Variants in ZBTB40 observed in about 807,000 individuals in gnomAD.
ZBTB40 encodes zinc finger and BTB domain-containing protein 40.
In ZBTB40, 60 loss-of-function variants were observed where a neutral mutation model predicts 117.5. That is an observed-to-expected ratio of 0.51 (90% CI 0.41 to 0.63). The LOEUF (loss-of-function observed/expected upper bound fraction) is 0.63, where lower values mean the gene tolerates loss of function less well. Ranked by LOEUF, ZBTB40 falls within the 30% of genes least tolerant of loss-of-function variation. The probability of loss-of-function intolerance (pLI) is 0.00; values close to 1 mark genes in which losing one functional copy is unlikely to be tolerated. For missense variants in ZBTB40, 1,287 were observed against 1,498.5 expected, an observed-to-expected ratio of 0.86 and a Z score of 2.33; for synonymous variants, 525 against 577.1, an observed-to-expected ratio of 0.91 and a Z score of 1.29.
At chr1:22,465,554 T>C (rs1293443544) in intron 1 of ZBTB40, among the ~76,000 whole-genome samples, 2 of 152,192 alleles carry the variant, frequency 1.3e-5, no homozygotes, top group Non-Finnish European at 2.9e-5. Context: ...TACTGGGACC[T>C]GCCCCCTTCT....
intron 1 of ZBTB40, among the ~76,000 whole-genome samples, chr1:22,485,179 T>A (rs1638431589): frequency 6.6e-6 from 1 of 152,212 alleles, no homozygotes; most frequent in Non-Finnish European, 1.5e-5. Flanking sequence ...TGGGAAATAT[T>A]CCCTCTGCTT....
intron 3 of ZBTB40, among the ~76,000 whole-genome samples, chr1:22,496,890 G>A (rs1431025433): frequency 6.6e-6 from 1 of 152,236 alleles, no homozygotes; most frequent in Non-Finnish European, 1.5e-5. Context: ...ACCTTGAGGA[G>A]CAAGGAAGCC....
rs555355853 is a variant in ZBTB40 at position 22,512,446 on chromosome 1, G to C, written c.2461+312G>C. Among the ~76,000 whole-genome samples, 58 of 152,288 alleles carry C rather than the reference G, an allele frequency of 3.8e-4. 2 individuals carry two copies. In the South Asian group the frequency reaches 0.01, roughly 27 times the overall value. On this transcript the variant is annotated intron_variant, in intron 11 of 17. Coordinates refer to ENST00000375647, the MANE Select transcript of ZBTB40 (RefSeq NM_014870.4). ...CAGAGTGAGCACACAATAACTTACA[G>C]CTCTTACTGTTTACAGTGATAACCA... is the stretch of plus-strand genomic sequence containing the variant.
intron 1 of ZBTB40, among the ~76,000 whole-genome samples, chr1:22,446,365 C>T (rs1044208285): frequency 2.0e-5 from 3 of 152,046 alleles, no homozygotes; most frequent in South Asian, 2.1e-4. Context: ...ACAAGAATAA[C>T]GGATAATTTC....
In ZBTB40 at chr1:22,496,484, G is replaced by A. The variant is rs550709496; in HGVS notation, c.831+4951G>A. Among the ~76,000 whole-genome samples the A allele has an allele frequency of 6.6e-5, 10 of 152,274 alleles. No individual in the cohort carries two copies. In the South Asian group the frequency reaches 1.4e-3, roughly 22 times the overall value. On this transcript the variant is annotated intron_variant, in intron 3 of 17. Coordinates refer to ENST00000375647, the MANE Select transcript of ZBTB40 (RefSeq NM_014870.4). ...GACGCTGTAAACCCATTCACGTACC[G>A]CAAGGAACACCAGACCAGCTGAATT... is the stretch of plus-strand genomic sequence containing the variant.
In ZBTB40 at chr1:22,524,451, C is replaced by T; in HGVS notation, c.3525+7C>T. The T allele has an allele frequency of 6.2e-7, 1 of 1,612,524 alleles. No homozygotes were observed. The highest frequency in any genetic ancestry group is 8.5e-7 in the Non-Finnish European group (1 of 1,179,996). ...AGCCTCACAGATGGCGCAGGTGATT[C>T]TGGGGCCATCAGCTACATTAGAATG... On this transcript the variant is annotated splice_region_variant and intron_variant, in intron 17 of 17. Transcript: ENST00000375647.
At chr1:22,442,312 G>T (rs1386000054) in intron 1 of ZBTB40, among the ~76,000 whole-genome samples, 1 of 152,160 alleles carries the variant, frequency 6.6e-6, no homozygotes, top group African/African-American at 2.4e-5. Context: ...ACAAGAGAGA[G>T]AGAGACCCAA....
At chr1:22,432,615 C>T (rs1464349629) in intron 1 of ZBTB40, among the ~76,000 whole-genome samples, 1 of 152,194 alleles carries the variant, frequency 6.6e-6, no homozygotes, top group Non-Finnish European at 1.5e-5. Context: ...GCAGAAAGTC[C>T]TGTTGGAAAG....
intron 3 of ZBTB40, among the ~76,000 whole-genome samples, chr1:22,496,690 C>T (rs1440242211): frequency 6.6e-6 from 1 of 152,140 alleles, no homozygotes; most frequent in Non-Finnish European, 1.5e-5. Context: ...ATCATCAGGA[C>T]CTGGGTTCTT....
At chr1:22,445,826 G>T (rs1000800686) in intron 1 of ZBTB40, among the ~76,000 whole-genome samples, 1 of 143,598 alleles carries the variant, frequency 7.0e-6, no homozygotes, top group Non-Finnish European at 1.5e-5. Flanking sequence ...CTGCACTCCA[G>T]CCTGGGCAAT....
chr1:22,429,701 G>A (rs528489255), intron 1 of ZBTB40, among the ~76,000 whole-genome samples: 1 of 152,208 alleles, frequency 6.6e-6, no homozygotes, highest in South Asian at 2.1e-4. Context: ...CATTAAGTGT[G>A]ATGTCTGCTG....
chr1:22,447,082 G>A (rs570480526), upstream of ZBTB40, among the ~76,000 whole-genome samples: 12 of 149,328 alleles, frequency 8.0e-5, 1 homozygote, highest in African/African-American at 3.0e-4. Flanking sequence ...CAGTCTGGGC[G>A]ACAGAGCAAG....
At chr1:22,473,849 CTT>C (rs766373887) in intron 1 of ZBTB40, among the ~76,000 whole-genome samples, 27 of 152,128 alleles carry the variant, frequency 1.8e-4, no homozygotes, top group Non-Finnish European at 3.8e-4. Flanking sequence ...GGAACCATGT[CTT>C]AGGAATTGAA....
chr1:22,510,586 C>CT (rs1266940059), intron 9 of ZBTB40, among the ~76,000 whole-genome samples: 1 of 152,168 alleles, frequency 6.6e-6, no homozygotes, highest in Non-Finnish European at 1.5e-5. Context: ...GCTGATAGCT[C>CT]TAACATTCTG....
intron 1 of ZBTB40, among the ~76,000 whole-genome samples, chr1:22,435,656 A>G (rs549695057): frequency 6.6e-6 from 1 of 152,312 alleles, no homozygotes; most frequent in African/African-American, 2.4e-5. Flanking sequence ...GGGTTTCCCA[A>G]TGAAGCAGAT....
At chr1:22,519,057 T>G (rs2124468732) in intron 13 of ZBTB40, among the ~76,000 whole-genome samples, 1 of 152,322 alleles carries the variant, frequency 6.6e-6, no homozygotes, top group East Asian at 1.9e-4. Flanking sequence ...GAAAGCTGCA[T>G]CAAAGTGTCT....
Position 22,528,516 on chromosome 1 carries a change from T to G in ZBTB40, c.*2120T>G, listed in dbSNP as rs1248498068. On this transcript the variant is annotated 3_prime_UTR_variant, in exon 18 of 18. Transcript: ENST00000375647. ...TCCAGTGTCAGATCCTTTCAAGCAC[T>G]GAGAAATTCTTTCTCAGGTTTCTTT... The G allele has an allele frequency of 6.6e-6, 1 of 152,352 alleles. No homozygotes were observed. Among genetic ancestry groups the G allele is most frequent in the African/African-American group, 2.4e-5 (1 of 41,434 alleles). 9.4% of individuals were successfully genotyped at this position (152,352 alleles called of 1,614,324 possible).
intron 1 of ZBTB40, among the ~76,000 whole-genome samples, chr1:22,453,374 A>C (rs72871689): frequency 0.021 from 3,161 of 152,312 alleles, 78 homozygotes; most frequent in Admixed American, 0.065. Flanking sequence ...TTTGTTGAGC[A>C]CTTACTGTGT....
At chr1:22,508,167 G>C in intron 7 of ZBTB40, 30 bp downstream of exon 7, 1 of 1,611,120 alleles carries the variant, frequency 6.2e-7, no homozygotes, top group Non-Finnish European at 8.5e-7. Context: ...AGAGGGAGGG[G>C]AGGGTAAAAT....
Sources: allele counts gnomAD v4.1 joint callset (sites outside exome capture counted in the v4.1 genomes callset), GRCh38; gene constraint gnomAD v4.1.1; transcripts MANE v1.5; gene names NCBI Gene and HGNC (gene_info 2026-07-23, HGNC 2026-07-21).